VSTM4: variants seen among roughly 807,000 people sequenced by gnomAD.
The protein encoded by VSTM4 is V-set and transmembrane domain-containing protein 4.
In VSTM4, 20 loss-of-function variants were observed where a neutral mutation model predicts 36.4. That is an observed-to-expected ratio of 0.55 (90% CI 0.39 to 0.80). The LOEUF is 0.80. Ranked by LOEUF, VSTM4 falls within the 30% of genes least tolerant of loss-of-function variation. The pLI is 0.00. For missense variants in VSTM4, 392 were observed against 404.5 expected, an observed-to-expected ratio of 0.97 and a Z score of 0.26; for synonymous variants, 182 against 173.9, an observed-to-expected ratio of 1.05 and a Z score of -0.37.
intron 7 of VSTM4, among the ~76,000 whole-genome samples, chr10:49,037,178 A>C (rs1805156537): frequency 1.3e-5 from 2 of 152,212 alleles, no homozygotes; most frequent in African/African-American, 2.4e-5. Flanking sequence ...CAGGGGGCTG[A>C]CCTGTCTTAC....
chr10:49,115,158 A>G (rs1054802053), intron 1 of VSTM4, among the ~76,000 whole-genome samples: 4 of 152,120 alleles, frequency 2.6e-5, no homozygotes, highest in Non-Finnish European at 5.9e-5. Flanking sequence ...GCCGCTGGGA[A>G]GATCTCGGCT....
chr10:49,070,268 A>G (rs1670330479), intron 4 of VSTM4, among the ~76,000 whole-genome samples: 1 of 151,252 alleles, frequency 6.6e-6, no homozygotes, highest in Non-Finnish European at 1.5e-5. Context: ...AAAAAAAAAA[A>G]AAAAAAAAAA....
intron 2 of VSTM4, among the ~76,000 whole-genome samples, chr10:49,089,625 C>T (rs1447962270): frequency 6.6e-6 from 1 of 152,182 alleles, no homozygotes; most frequent in Admixed American, 6.5e-5. Flanking sequence ...CTCCTCACTC[C>T]CCCGCAGTGC....
chr10:49,080,196 A>G (rs1438296311), intron 3 of VSTM4, among the ~76,000 whole-genome samples: 1 of 152,256 alleles, frequency 6.6e-6, no homozygotes, highest in African/African-American at 2.4e-5. Flanking sequence ...GGAAAAGAAC[A>G]TTTGTAAAGC....
rs770330733 is a variant in VSTM4 at position 49,077,303 on chromosome 10, C to T, written c.550G>A (p.Val184Met). Residue 184 changes from valine (V) to methionine (M), a missense_variant, in exon 4 of 8, where the codon GTG becomes ATG. Transcript: ENST00000332853. ...ATGCTGAGGATCCCCACGCAGCACA[C>T]GAGGACAGCATACACATAGAGATCT... ...FEDLYVYAVLVCCVGILSILL... is the reference protein window; with the variant it reads ...FEDLYVYAVLMCCVGILSILL... 29 of 1,614,060 alleles carry T rather than the reference C, an allele frequency of 1.8e-5. No individual in the cohort carries two copies. Among genetic ancestry groups the T allele is most frequent in the Middle Eastern group, 1.6e-4 (1 of 6,078 alleles).
intron 2 of VSTM4, among the ~76,000 whole-genome samples, chr10:49,099,234 A>AAATGCACG (rs1259933829): frequency 1.3e-5 from 2 of 152,220 alleles, no homozygotes; most frequent in African/African-American, 4.8e-5. Flanking sequence ...CTCACGTTGC[A>AAATGCACG]AATGCACGGC....
intron 5 of VSTM4, among the ~76,000 whole-genome samples, chr10:49,059,216 G>C (rs1349144015): frequency 6.6e-6 from 1 of 152,218 alleles, no homozygotes; most frequent in Non-Finnish European, 1.5e-5. Context: ...GCCCTAGCAG[G>C]GTCCTGGGAT....
At position 49,062,175 on chromosome 10, in the gene VSTM4, G is replaced by A. The variant is rs571149166; in HGVS notation, c.668+2528C>T. On this transcript the variant is annotated intron_variant, in intron 5 of 7. Coordinates refer to ENST00000332853, the MANE Select transcript of VSTM4 (RefSeq NM_001031746.5). ...TTAAACAGTGTTGTCTTGAGCATCA[G>A]ACAATTCTATAATTTTTATTTAAAT... 4.6e-5 allele frequency among the ~76,000 whole-genome samples: 7 copies of A among 152,272 alleles called. No homozygotes were observed. In the South Asian group the frequency reaches 1.4e-3, roughly 32 times the overall value.
chr10:49,108,242 G>T (rs1014467124), intron 1 of VSTM4, among the ~76,000 whole-genome samples: 2 of 152,226 alleles, frequency 1.3e-5, no homozygotes, highest in Admixed American at 6.5e-5. Flanking sequence ...ATGACCTCCT[G>T]ACCCAGAAGT....
chr10:49,087,076 C>T (rs1844383312), intron 2 of VSTM4, among the ~76,000 whole-genome samples: 1 of 152,192 alleles, frequency 6.6e-6, no homozygotes, highest in East Asian at 1.9e-4. Context: ...AATTTTCCTT[C>T]CTTTTGTCTC....
intron 1 of VSTM4, among the ~76,000 whole-genome samples, chr10:49,115,211 C>G (rs1305544625): frequency 6.6e-6 from 1 of 152,020 alleles, no homozygotes; most frequent in East Asian, 1.9e-4. Context: ...GGACGGGGAC[C>G]GCGCTCACGG....
intron 5 of VSTM4, among the ~76,000 whole-genome samples, chr10:49,063,504 A>G (rs1843919026): frequency 6.6e-6 from 1 of 152,172 alleles, no homozygotes; most frequent in Non-Finnish European, 1.5e-5. Context: ...CCCAGGTCCT[A>G]TATAAATCTC....
At chr10:49,104,859 A>G (rs530093856) in intron 2 of VSTM4, among the ~76,000 whole-genome samples, 1 of 150,204 alleles carries the variant, frequency 6.7e-6, no homozygotes, top group Non-Finnish European at 1.5e-5. Context: ...AGAGACACAC[A>G]CGGAGAGAGA....
At chr10:49,103,608 T>A in intron 2 of VSTM4, 3 of 1,467,600 alleles carry the variant, frequency 2.0e-6, no homozygotes, top group Non-Finnish European at 2.7e-6. Context: ...CTGGGAGTTA[T>A]TTTTTAAATA....
At chr10:49,103,007 G>A (rs1006660871) in intron 2 of VSTM4, 1 of 152,954 alleles carries the variant, frequency 6.5e-6, no homozygotes, top group Admixed American at 6.5e-5. Context: ...TGGGGAAAAG[G>A]CATTTTCAAT....
chr10:49,102,766 T>A, intron 2 of VSTM4: 1 of 985,346 alleles, frequency 1.0e-6, no homozygotes, highest in South Asian at 4.7e-5. Context: ...CAAAGAACAT[T>A]TTATTCATTC....
intron 7 of VSTM4, among the ~76,000 whole-genome samples, chr10:49,032,423 C>A (rs1843360629): frequency 6.6e-6 from 1 of 152,184 alleles, no homozygotes; most frequent in Non-Finnish European, 1.5e-5. Flanking sequence ...GGAAAGAAAG[C>A]TCTGATGTGA....
intron 6 of VSTM4, among the ~76,000 whole-genome samples, chr10:49,048,013 C>T (rs1315308761): frequency 2.6e-5 from 4 of 152,206 alleles, no homozygotes; most frequent in East Asian, 3.9e-4. Context: ...TAACTGGAAT[C>T]ACAGGATAGC....
chr10:49,078,384 A>G (rs1422502463), intron 3 of VSTM4, among the ~76,000 whole-genome samples: 2 of 152,352 alleles, frequency 1.3e-5, no homozygotes, highest in African/African-American at 2.4e-5. Context: ...AAAAACTGGA[A>G]ACAGACCGGA....
Sources: gnomAD v4.1 joint callset for allele counts (sites outside exome capture counted in the v4.1 genomes callset) on GRCh38, gnomAD v4.1.1 for gene constraint, MANE v1.5 for transcripts, NCBI Gene and HGNC (gene_info 2026-07-23, HGNC 2026-07-21) for gene names.